Variants in MYO16 observed in about 807,000 individuals in gnomAD.
MYO16 encodes the protein myosin XVI.
MYO16 carries 94 observed loss-of-function variants against 205.3 expected under a neutral mutation model. That is an observed-to-expected ratio of 0.46 (90% CI 0.39 to 0.54). The LOEUF (loss-of-function observed/expected upper bound fraction) is 0.54. MYO16 is among the 20% of genes least tolerant of loss of function. MYO16 has a pLI of 0.00. For synonymous variants in MYO16, 988 were observed against 954.0 expected (o/e 1.04, Z -0.66); for missense variants, 2,315 against 2,387.5 (o/e 0.97, Z 0.63).
chr13:108,606,892 C>G (rs539466457), intron 1 of MYO16, among the ~76,000 whole-genome samples: 10 of 152,310 alleles, frequency 6.6e-5, no homozygotes, highest in Non-Finnish European at 1.3e-4. Context: ...GGTGGAGCAG[C>G]CCAAGGCCAT....
intron 6 of MYO16, among the ~76,000 whole-genome samples, chr13:108,794,562 CAAACTCCTG>C (rs1342553200): frequency 1.3e-5 from 2 of 152,126 alleles, no homozygotes; most frequent in African/African-American, 4.8e-5. Context: ...TAAATTCAAG[CAAACTCCTG>C]TCATTACTTT....
At position 108,862,578 on chromosome 13, in the gene MYO16, T is replaced by G. The variant is rs196151; in HGVS notation, c.1360-3599T>G. Among the ~76,000 whole-genome samples the G allele has an allele frequency of 7.1e-3, 1,077 of 152,290 alleles. 8 individuals are homozygous for G. The highest frequency in any genetic ancestry group is 0.025 in the African/African-American group (1,031 of 41,556). On this transcript the variant is annotated intron_variant, in intron 11 of 34. Coordinates refer to ENST00000457511, the MANE Select transcript of MYO16 (RefSeq NM_001198950.3). The stretch of plus-strand genomic sequence containing the variant: ...TGCATTTCTAGGATCTGTTTTCTTT[T>G]GTATTGGTCCGTGTGTTCCTAAACA...
chr13:108,626,807 A>G (rs1372880252), upstream of MYO16, among the ~76,000 whole-genome samples: 1 of 151,036 alleles, frequency 6.6e-6, no homozygotes, highest in Non-Finnish European at 1.5e-5. Context: ...TCCATCTCAA[A>G]AGAGAAAATA....
chr13:108,911,730 G>A (rs1881274714), intron 16 of MYO16, among the ~76,000 whole-genome samples: 2 of 152,204 alleles, frequency 1.3e-5, no homozygotes, highest in South Asian at 4.1e-4. Flanking sequence ...ATTCCCAGCT[G>A]GAACCAGAGA....
chr13:108,995,708 C>A (rs577272777), intron 21 of MYO16, among the ~76,000 whole-genome samples: 1 of 152,068 alleles, frequency 6.6e-6, no homozygotes, highest in Admixed American at 6.6e-5. Flanking sequence ...TTTGTCCTTG[C>A]GATGGTTTGC....
intron 34 of MYO16, among the ~76,000 whole-genome samples, chr13:109,185,580 A>T (rs1879653379): frequency 6.6e-6 from 1 of 152,210 alleles, no homozygotes; most frequent in Non-Finnish European, 1.5e-5. Context: ...AATCTATTAT[A>T]TGTGTGATTT....
Position 108,863,086 on chromosome 13 carries a change from A to T in MYO16, c.1360-3091A>T, listed in dbSNP as rs374961200. Reference sequence around the variant, plus strand: ...TTTATCCATCAAACTTGCTAAAGTTATATGTCAGTATTAATTTACATAAAC... The same window carrying T: ...TTTATCCATCAAACTTGCTAAAGTTTTATGTCAGTATTAATTTACATAAAC... On this transcript the variant is annotated intron_variant, in intron 11 of 34. Coordinates refer to ENST00000457511, the MANE Select transcript of MYO16 (RefSeq NM_001198950.3). Among the ~76,000 whole-genome samples the T allele has an allele frequency of 5.9e-5, 9 of 152,290 alleles. No homozygotes were observed. In the South Asian group the frequency reaches 8.3e-4, roughly 14 times the overall value.
chr13:109,180,542 C>T lies in MYO16; in HGVS notation c.5415+909C>T, dbSNP rs149658293. Among the ~76,000 whole-genome samples, 1,122 of 152,246 alleles carry T rather than the reference C, an allele frequency of 7.4e-3. 13 individuals are homozygous for T. The highest frequency in any genetic ancestry group is 0.025 in the African/African-American group (1,031 of 41,536). On this transcript the variant is annotated intron_variant, in intron 34 of 34. Coordinates refer to ENST00000457511, the MANE Select transcript of MYO16 (RefSeq NM_001198950.3). The stretch of plus-strand genomic sequence containing the variant: ...GTCTAAAATAACCTCAGCCAAGTAT[C>T]CAGATGTTTCCACGAAATCAACTAT...
chr13:108,927,947 A>G (rs1882084681), intron 16 of MYO16, among the ~76,000 whole-genome samples: 1 of 152,250 alleles, frequency 6.6e-6, no homozygotes, highest in African/African-American at 2.4e-5. Context: ...GATTTCCACC[A>G]GTTCAGTAAA....
chr13:108,851,977 TC>T (rs1294105528), intron 10 of MYO16, among the ~76,000 whole-genome samples: 1 of 152,050 alleles, frequency 6.6e-6, no homozygotes, highest in Non-Finnish European at 1.5e-5. Flanking sequence ...TTCTAGGGCC[TC>T]CCACACACCC....
intron 16 of MYO16, among the ~76,000 whole-genome samples, chr13:108,932,804 T>C (rs1882316779): frequency 6.6e-6 from 1 of 152,182 alleles, no homozygotes. Flanking sequence ...GCACTGGTCC[T>C]TTGAAGCAGA....
chr13:108,611,958 CT>C (rs1355504552), intron 1 of MYO16, among the ~76,000 whole-genome samples: 7,399 of 101,580 alleles, frequency 0.073, 230 homozygotes, highest in South Asian at 0.16. Context: ...AGGTAATATT[CT>C]TTTTTTTTTT....
chr13:109,133,575 C>T (rs1340191129), intron 31 of MYO16, among the ~76,000 whole-genome samples: 1 of 152,134 alleles, frequency 6.6e-6, no homozygotes, highest in Non-Finnish European at 1.5e-5. Context: ...TAAGAGGCAA[C>T]TTTATGATGT....
intron 20 of MYO16, among the ~76,000 whole-genome samples, chr13:108,970,296 G>A (rs1051980166): frequency 6.6e-6 from 1 of 152,176 alleles, no homozygotes; most frequent in African/African-American, 2.4e-5. Flanking sequence ...AGCATGACTT[G>A]TGGTATAATG....
At chr13:108,742,904 T>C (rs1884953021) in intron 4 of MYO16, among the ~76,000 whole-genome samples, 1 of 152,216 alleles carries the variant, frequency 6.6e-6, no homozygotes, top group South Asian at 2.1e-4. Flanking sequence ...GGGAATGGTC[T>C]CTGAATAGCA....
At chr13:108,798,436 A>G (rs1038040584) in intron 6 of MYO16, among the ~76,000 whole-genome samples, 1 of 152,148 alleles carries the variant, frequency 6.6e-6, no homozygotes, top group Non-Finnish European at 1.5e-5. Flanking sequence ...AAATAACTAA[A>G]TATAACATAT....
At chr13:108,862,061 G>A (rs567126342) in intron 11 of MYO16, among the ~76,000 whole-genome samples, 3 of 152,150 alleles carry the variant, frequency 2.0e-5, no homozygotes. Context: ...TTACAGTTAA[G>A]ATATTTTGGT....
chr13:108,986,989 T>C (rs1884662216), intron 20 of MYO16, among the ~76,000 whole-genome samples: 1 of 152,154 alleles, frequency 6.6e-6, no homozygotes, highest in Non-Finnish European at 1.5e-5. Flanking sequence ...TCCCTAGGAT[T>C]AAATGAGGAG....
At chr13:108,698,679 C>CTT (rs1883182502) in intron 2 of MYO16, among the ~76,000 whole-genome samples, 1 of 152,134 alleles carries the variant, frequency 6.6e-6, no homozygotes. Context: ...GAGTGAGAAA[C>CTT]AACCAGTTTA....
Sources: gnomAD v4.1 joint callset for allele counts (sites outside exome capture counted in the v4.1 genomes callset) on GRCh38, gnomAD v4.1.1 for gene constraint, MANE v1.5 for transcripts, NCBI Gene and HGNC (gene_info 2026-07-23, HGNC 2026-07-21) for gene names.